The following UBR3 variants were observed in gnomAD, a reference collection of about 807,000 sequenced individuals.
UBR3 encodes the protein E3 ubiquitin-protein ligase UBR3.
In UBR3, 85 loss-of-function variants were observed where a neutral mutation model predicts 243.2. The observed-to-expected ratio is 0.35, with a 90% confidence interval of 0.29 to 0.42. UBR3 has a LOEUF of 0.42. Ranked by LOEUF, UBR3 falls within the 10% of genes least tolerant of loss-of-function variation. UBR3 has a pLI of 1.00. For missense variants in UBR3, 1,686 were observed against 2,300.8 expected (o/e 0.73, Z 5.47); for synonymous variants, 748 against 799.8 (o/e 0.94, Z 1.09).
intron 23 of UBR3, among the ~76,000 whole-genome samples, chr2:169,951,290 C>A (rs551452740): frequency 6.6e-6 from 1 of 152,254 alleles, no homozygotes; most frequent in East Asian, 1.9e-4. Flanking sequence ...TGGATAATTT[C>A]ATCTTCTTAG....
intron 36 of UBR3, 82 bp from the exon 37 acceptor site, chr2:170,079,732 C>A: frequency 7.8e-7 from 1 of 1,278,770 alleles, no homozygotes; most frequent in African/African-American, 1.5e-5. Flanking sequence ...ATTTTTCTTT[C>A]TGTAAAAATA....
intron 24 of UBR3, 131 bp from the exon 25 acceptor site, chr2:169,986,514 A>G: frequency 2.8e-6 from 2 of 711,986 alleles, no homozygotes; most frequent in East Asian, 2.9e-5. Context: ...TATTTTTTCC[A>G]CAGTTTTATT....
chr2:169,938,366 GTGGTCCTGAT>G (rs1226646200), intron 19 of UBR3, among the ~76,000 whole-genome samples: 2 of 151,206 alleles, frequency 1.3e-5, no homozygotes, highest in Non-Finnish European at 2.9e-5. Context: ...CCAGGCTCAT[GTGGTCCTGAT>G]TGGCTTCCCG....
At chr2:169,980,709 T>C (rs572352830) in intron 24 of UBR3, among the ~76,000 whole-genome samples, 7 of 151,854 alleles carry the variant, frequency 4.6e-5, no homozygotes, top group Admixed American at 3.3e-4. Flanking sequence ...GCTGGTGTGC[T>C]GCACCCATTA....
intron 24 of UBR3, among the ~76,000 whole-genome samples, chr2:169,975,265 C>T (rs988581640): frequency 1.3e-5 from 2 of 152,144 alleles, no homozygotes; most frequent in African/African-American, 4.8e-5. Flanking sequence ...TGTACAGTTT[C>T]AAAAGTTCCT....
intron 35 of UBR3, among the ~76,000 whole-genome samples, chr2:170,069,278 A>G (rs886805529): frequency 3.9e-5 from 6 of 152,146 alleles, no homozygotes; most frequent in African/African-American, 1.4e-4. Flanking sequence ...TTTTTCTTTT[A>G]GCTTTATTGA....
At chr2:169,986,530 A>T in intron 24 of UBR3, 115 bp from the exon 25 acceptor site, 1 of 912,110 alleles carries the variant, frequency 1.1e-6, no homozygotes, top group Non-Finnish European at 1.6e-6. Flanking sequence ...TTATTACTGT[A>T]TACTTTATTG....
At chr2:170,078,544 C>T (rs1391301624) in intron 36 of UBR3, among the ~76,000 whole-genome samples, 2 of 152,202 alleles carry the variant, frequency 1.3e-5, no homozygotes, top group African/African-American at 4.8e-5. Flanking sequence ...GTGATTTCTT[C>T]CAGCTGGTGC....
chr2:170,074,527 G>A (rs2091765636), intron 36 of UBR3, among the ~76,000 whole-genome samples: 1 of 152,036 alleles, frequency 6.6e-6, no homozygotes, highest in Non-Finnish European at 1.5e-5. Flanking sequence ...GCCTCCCTCT[G>A]CCATTACCTT....
chr2:169,943,879 T>C (rs2086686230), intron 20 of UBR3, among the ~76,000 whole-genome samples: 1 of 152,154 alleles, frequency 6.6e-6, no homozygotes, highest in Non-Finnish European at 1.5e-5. Flanking sequence ...CTTAATCTTA[T>C]AATGAAATAG....
At chr2:169,980,727 A>G (rs1049903123) in intron 24 of UBR3, among the ~76,000 whole-genome samples, 6 of 148,992 alleles carry the variant, frequency 4.0e-5, no homozygotes, top group African/African-American at 1.5e-4. Flanking sequence ...TTAACTCATC[A>G]TTTAGCATTA....
intron 1 of UBR3, among the ~76,000 whole-genome samples, chr2:169,835,781 C>A (rs1030557857): frequency 6.6e-6 from 1 of 151,900 alleles, no homozygotes; most frequent in African/African-American, 2.4e-5. Context: ...AAACTATTTT[C>A]AATTATGAAA....
chr2:169,878,820 A>T (rs1456288257), intron 5 of UBR3, among the ~76,000 whole-genome samples: 1 of 152,046 alleles, frequency 6.6e-6, no homozygotes, highest in African/African-American at 2.4e-5. Flanking sequence ...TTTATAATTC[A>T]TTTTTCTTTT....
At chr2:169,934,591 T>G (rs72891965) in intron 19 of UBR3, among the ~76,000 whole-genome samples, 17,342 of 152,214 alleles carry the variant, frequency 0.11, 1,220 homozygotes, top group Admixed American at 0.19. Flanking sequence ...GGACAAAAAG[T>G]GGCTTAACTG....
intron 1 of UBR3, among the ~76,000 whole-genome samples, chr2:169,830,307 T>C (rs2081892610): frequency 6.6e-6 from 1 of 152,142 alleles, no homozygotes; most frequent in South Asian, 2.1e-4. Flanking sequence ...TCCCTAAGGC[T>C]TAGTACTAAT....
intron 1 of UBR3, among the ~76,000 whole-genome samples, chr2:169,840,893 C>G (rs186033352): frequency 4.6e-5 from 7 of 152,280 alleles, no homozygotes; most frequent in Admixed American, 4.6e-4. Context: ...GAGCACTGCA[C>G]TGGAATGCAG....
At chr2:169,939,979 T>G (rs2105355260) in intron 19 of UBR3, among the ~76,000 whole-genome samples, 1 of 152,272 alleles carries the variant, frequency 6.6e-6, no homozygotes, top group East Asian at 1.9e-4. Context: ...CCCTTTTAAT[T>G]TTTATTGTTA....
At chr2:169,928,254 T>G (rs2085982721) in intron 17 of UBR3, among the ~76,000 whole-genome samples, 1 of 152,164 alleles carries the variant, frequency 6.6e-6, no homozygotes. Flanking sequence ...GAGAGAATCT[T>G]TTTGGTTTGC....
chr2:170,061,897 T>C (rs1559227976), intron 35 of UBR3, among the ~76,000 whole-genome samples: 1 of 152,258 alleles, frequency 6.6e-6, no homozygotes, highest in Admixed American at 6.5e-5. Context: ...TTACTATTTT[T>C]GTTGTATTTG....
Sources: gnomAD v4.1 joint callset for allele counts (sites outside exome capture counted in the v4.1 genomes callset) on GRCh38, gnomAD v4.1.1 for gene constraint, MANE v1.5 for transcripts, NCBI Gene and HGNC (gene_info 2026-07-23, HGNC 2026-07-21) for gene names.